XIRP2: variants seen among roughly 807,000 people sequenced by gnomAD.
XIRP2 encodes xin actin-binding repeat-containing protein 2.
XIRP2 carries 236 observed loss-of-function variants against 277.0 expected under a neutral mutation model. The ratio of observed to expected loss-of-function variants is 0.85; its 90% CI spans 0.77 to 0.95. The LOEUF (loss-of-function observed/expected upper bound fraction) is 0.95. Ranked by LOEUF, XIRP2 falls within the 40% of genes least tolerant of loss-of-function variation. XIRP2 has a pLI of 0.00. For synonymous variants in XIRP2, 1,490 were observed against 1,416.5 expected, an observed-to-expected ratio of 1.05 and a Z score of -1.17; for missense variants, 4,640 against 4,157.5, an observed-to-expected ratio of 1.12 and a Z score of -3.19.
intron 4 of XIRP2, among the ~76,000 whole-genome samples, chr2:167,212,309 AAC>A (rs1694070640): frequency 6.6e-6 from 1 of 152,186 alleles, no homozygotes; most frequent in Non-Finnish European, 1.5e-5. Context: ...TTCACGAGGA[AAC>A]AGTTGATTTT....
chr2:166,965,194 A>G (rs546248883), intron 2 of XIRP2, among the ~76,000 whole-genome samples: 1 of 151,898 alleles, frequency 6.6e-6, no homozygotes, highest in Non-Finnish European at 1.5e-5. Flanking sequence ...ATGAAGAGTC[A>G]GTAATATTTG....
intron 1 of XIRP2, among the ~76,000 whole-genome samples, chr2:166,890,139 G>A (rs1224363795): frequency 1.3e-5 from 2 of 151,778 alleles, no homozygotes; most frequent in Non-Finnish European, 2.9e-5. Flanking sequence ...GGTATTACAG[G>A]CACGTGCCAC....
intron 2 of XIRP2, among the ~76,000 whole-genome samples, chr2:167,061,964 C>G (rs969918511): frequency 6.6e-6 from 1 of 152,144 alleles, no homozygotes; most frequent in African/African-American, 2.4e-5. Flanking sequence ...AAAACTAATA[C>G]ACTCAGTTTT....
chr2:166,908,521 T>C (rs1427994983), intron 2 of XIRP2, among the ~76,000 whole-genome samples: 1 of 152,176 alleles, frequency 6.6e-6, no homozygotes, highest in African/African-American at 2.4e-5. Context: ...ATTAGCCCTT[T>C]GTCAGATGAG....
At chr2:167,066,035 A>G (rs1159314903) in intron 2 of XIRP2, among the ~76,000 whole-genome samples, 1 of 151,752 alleles carries the variant, frequency 6.6e-6, no homozygotes, top group African/African-American at 2.4e-5. Flanking sequence ...AAACATATCC[A>G]TCACTTCCAG....
rs1037198019 is a variant in XIRP2 at position 167,016,410 on chromosome 2, C to T, written c.408+112520C>T. ...CTTACACAGAAGTCTCCTTTGATGCCTCTTCAGTCTCCTGAACAAAGACAT... is the reference window on the plus strand; with the variant it reads ...CTTACACAGAAGTCTCCTTTGATGCTTCTTCAGTCTCCTGAACAAAGACAT... On this transcript the variant is annotated intron_variant, in intron 2 of 10. Transcript: ENST00000409195. 1.7e-4 allele frequency among the ~76,000 whole-genome samples: 26 copies of T among 151,902 alleles called. 1 individual carries two copies. Among genetic ancestry groups the T allele is most frequent in the African/African-American group, 5.8e-4 (24 of 41,398 alleles).
intron 2 of XIRP2, among the ~76,000 whole-genome samples, chr2:167,004,574 T>C (rs1687457042): frequency 6.6e-6 from 1 of 151,802 alleles, no homozygotes; most frequent in Non-Finnish European, 1.5e-5. Flanking sequence ...TGTAGCAACG[T>C]AAGGCCTCTG....
chr2:167,053,609 T>A (rs999773788), intron 2 of XIRP2, among the ~76,000 whole-genome samples: 2 of 152,204 alleles, frequency 1.3e-5, no homozygotes, highest in Non-Finnish European at 2.9e-5. Context: ...ACCTTATTTT[T>A]ATATGCAATG....
rs572437575 is a variant in XIRP2 at position 167,059,101 on chromosome 2, C to CTTT, written c.409-76787_409-76785dup. ...GCTAGAGGATTTAACTTTTTTTTCTCTTTTTTTTTTTTTTTTTTTTTTTGA... is the reference window on the plus strand; with the variant it reads ...GCTAGAGGATTTAACTTTTTTTTCTCTTTTTTTTTTTTTTTTTTTTTTTTTTGA... On this transcript the variant is annotated intron_variant, in intron 2 of 10. Coordinates refer to ENST00000409195, the MANE Select transcript of XIRP2 (RefSeq NM_152381.6). Among the ~76,000 whole-genome samples the CTTT allele has an allele frequency of 5.0e-3, 482 of 95,962 alleles. 2 individuals are homozygous for CTTT. Among genetic ancestry groups the CTTT allele is most frequent in the African/African-American group, 0.011 (226 of 20,866 alleles). 63.0% of individuals were successfully genotyped at this position (95,962 alleles called of 152,430 possible).
chr2:167,179,617 G>T (rs59091135), intron 3 of XIRP2, among the ~76,000 whole-genome samples: 1 of 150,526 alleles, frequency 6.6e-6, no homozygotes, highest in African/African-American at 2.5e-5. Context: ...ACCGCACCCA[G>T]CCTAATCATT....
chr2:166,950,578 T>C (rs996796276), intron 2 of XIRP2, among the ~76,000 whole-genome samples: 3 of 152,094 alleles, frequency 2.0e-5, no homozygotes, highest in African/African-American at 7.2e-5. Context: ...TATTAAAATA[T>C]TTTTCCAACT....
At chr2:166,925,107 G>A (rs1036728342) in intron 2 of XIRP2, among the ~76,000 whole-genome samples, 1 of 151,954 alleles carries the variant, frequency 6.6e-6, no homozygotes, top group African/African-American at 2.4e-5. Flanking sequence ...CAAATAATAG[G>A]TAGTAGCTAT....
intron 2 of XIRP2, among the ~76,000 whole-genome samples, chr2:166,960,972 A>G (rs1023410231): frequency 4.6e-5 from 7 of 151,726 alleles, no homozygotes; most frequent in Non-Finnish European, 7.4e-5. Context: ...CAGTTTAAGT[A>G]TCATCATTGC....
At chr2:167,230,271 T>G (rs1394849696) in intron 5 of XIRP2, among the ~76,000 whole-genome samples, 1 of 152,130 alleles carries the variant, frequency 6.6e-6, no homozygotes, top group East Asian at 1.9e-4. Context: ...AGTCAGTACT[T>G]TAGGTTGGGG....
At chr2:167,229,815 G>A (rs894960989) in intron 5 of XIRP2, among the ~76,000 whole-genome samples, 2 of 152,052 alleles carry the variant, frequency 1.3e-5, no homozygotes, top group African/African-American at 4.8e-5. Flanking sequence ...TGTTGTAGAC[G>A]TATGTTAGGG....
At chr2:167,159,810 G>C (rs1454402816) in intron 3 of XIRP2, among the ~76,000 whole-genome samples, 1 of 152,054 alleles carries the variant, frequency 6.6e-6, no homozygotes, top group Non-Finnish European at 1.5e-5. Flanking sequence ...TCATTTCTAG[G>C]TTATTGTTTT....
chr2:167,052,091 G>C (rs1341960628), intron 2 of XIRP2, among the ~76,000 whole-genome samples: 1 of 151,940 alleles, frequency 6.6e-6, no homozygotes, highest in East Asian at 1.9e-4. Flanking sequence ...AAAAAGATAA[G>C]CAAGACCCTA....
At chr2:167,034,462 A>T (rs918784051) in intron 2 of XIRP2, among the ~76,000 whole-genome samples, 1 of 151,996 alleles carries the variant, frequency 6.6e-6, no homozygotes, top group Admixed American at 6.6e-5. Context: ...TAGATGGACT[A>T]AACACTCCAA....
At chr2:167,083,444 T>C (rs1689809963) in intron 2 of XIRP2, among the ~76,000 whole-genome samples, 2 of 152,360 alleles carry the variant, frequency 1.3e-5, no homozygotes, top group Admixed American at 1.3e-4. Flanking sequence ...TTCGGTTCCA[T>C]ATGAACATTA....
Sources: allele counts gnomAD v4.1 joint callset (sites outside exome capture counted in the v4.1 genomes callset), GRCh38; gene constraint gnomAD v4.1.1; transcripts MANE v1.5; gene names NCBI Gene and HGNC (gene_info 2026-07-23, HGNC 2026-07-21).